The following DNAH9 variants were observed in gnomAD, a reference collection of about 807,000 sequenced individuals.
DNAH9 encodes dynein axonemal heavy chain 9, also known as DNAH9 variant protein.
A neutral mutation model predicts 471.6 loss-of-function variants in DNAH9; 345 were observed. The observed-to-expected ratio is 0.73, with a 90% CI of 0.67 to 0.80. The LOEUF (loss-of-function observed/expected upper bound fraction) is 0.80. DNAH9 is among the 30% of genes least tolerant of loss of function. The pLI, the probability that DNAH9 is intolerant of heterozygous loss-of-function variation, is 0.00. For missense variants in DNAH9, 5,407 were observed against 5,609.2 expected, an observed-to-expected ratio of 0.96 and a Z score of 1.15; for synonymous variants, 2,093 against 2,123.6, an observed-to-expected ratio of 0.99 and a Z score of 0.40.
In DNAH9 at chr17:11,624,767, T is replaced by C. The variant is rs1249854683; in HGVS notation, c.1351-4650T>C. ...CTTCCTTCTTTCTTTCCTCCCACTT[T>C]CCTGGTTTGAGGATCCCAAACTGGT... On this transcript the variant is annotated intron_variant, in intron 6 of 68. Coordinates refer to ENST00000262442, the MANE Select transcript of DNAH9 (RefSeq NM_001372.4). Among the ~76,000 whole-genome samples, 8 of 152,224 alleles carry C rather than the reference T, an allele frequency of 5.3e-5. 1 individual carries two copies. The South Asian group carries it at 1.2e-3, about 24-fold the overall frequency.
intron 67 of DNAH9, among the ~76,000 whole-genome samples, chr17:11,950,710 C>T (rs939541402): frequency 6.6e-6 from 1 of 152,098 alleles, no homozygotes; most frequent in South Asian, 2.1e-4. Context: ...TATAACAAAA[C>T]TTACAGAAAC....
chr17:11,741,972 A>C lies in DNAH9; in HGVS notation c.5973-203A>C, dbSNP rs78259463. On this transcript the variant is annotated intron_variant, in intron 29 of 68. Transcript: ENST00000262442. ...TTTATCCTTAGCTAACTCATCTCTA[A>C]GTTGAAAGTCTTCATGCTAACTGCA... 7.6e-3 allele frequency among the ~76,000 whole-genome samples: 1,158 copies of C among 152,316 alleles called. 27 individuals carry two copies. The highest frequency in any genetic ancestry group is 0.045 in the East Asian group (234 of 5,186).
rs746943615 is a variant in DNAH9 at position 11,923,872 on chromosome 17, A to G, written c.11808A>G (p.Gln3936=). ...NQNFHNVSLG[Q]GQEVVAEAAL... is the part of the protein sequence containing the mutation. ...ACTTTCACAACGTGTCTTTGGGGCA[A>G]GGACAGGAAGTGGTGGCTGAGGCTG... Residue 3936 remains glutamine (Q), a synonymous_variant, in exon 62 of 69, where the codon CAA becomes CAG. Coordinates refer to ENST00000262442, the MANE Select transcript of DNAH9 (RefSeq NM_001372.4). 1.9e-6 allele frequency: 3 copies of G among 1,614,120 alleles called. No homozygotes were observed. The South Asian group carries it at 3.3e-5, about 18-fold the overall frequency.
intron 41 of DNAH9, among the ~76,000 whole-genome samples, chr17:11,791,030 T>C (rs2150906015): frequency 6.6e-6 from 1 of 152,310 alleles, no homozygotes; most frequent in Admixed American, 6.5e-5. Context: ...ACCCATATGT[T>C]ACCTTTTCCA....
chr17:11,861,027 C>CT (rs56930700), intron 50 of DNAH9, among the ~76,000 whole-genome samples: 2,160 of 143,898 alleles, frequency 0.015, 47 homozygotes, highest in African/African-American at 0.044. Context: ...AGCTGTCATT[C>CT]TTTTTTTTTT....
chr17:11,646,934 G>A (rs2073404721), intron 11 of DNAH9, 138 bp from the exon 12 acceptor site: 1 of 683,870 alleles, frequency 1.5e-6, no homozygotes, highest in Non-Finnish European at 2.3e-6. Flanking sequence ...AAAGAAATTT[G>A]TGGTTACTCT....
intron 50 of DNAH9, among the ~76,000 whole-genome samples, chr17:11,861,472 C>T (rs910538376): frequency 5.3e-5 from 8 of 152,046 alleles, no homozygotes. Context: ...GTGAATAGTG[C>T]CGCAATAAAA....
At chr17:11,638,509 A>G (rs1483197254) in intron 9 of DNAH9, among the ~76,000 whole-genome samples, 1 of 151,962 alleles carries the variant, frequency 6.6e-6, no homozygotes, top group African/African-American at 2.4e-5. Context: ...CTCAGCTTCC[A>G]GAGTAGCTGG....
At chr17:11,701,443 C>A (rs1258508842) in intron 24 of DNAH9, among the ~76,000 whole-genome samples, 196 bp downstream of exon 24, 2 of 152,176 alleles carry the variant, frequency 1.3e-5, no homozygotes, top group African/African-American at 2.4e-5. Context: ...TCAACCCTGA[C>A]CTTGGGAAAT....
At chr17:11,727,503 G>T (rs1040156886) in intron 27 of DNAH9, among the ~76,000 whole-genome samples, 1 of 152,090 alleles carries the variant, frequency 6.6e-6, no homozygotes, top group African/African-American at 2.4e-5. Flanking sequence ...TGTCTGTATA[G>T]CATAAGAAAA....
chr17:11,688,082 C>CAAA (rs145792851), intron 19 of DNAH9, among the ~76,000 whole-genome samples: 4,383 of 58,868 alleles, frequency 0.074, 544 homozygotes, highest in African/African-American at 0.15. Flanking sequence ...TGCAGTAAGC[C>CAAA]AAAAAAAAAA....
chr17:11,957,612 C>T (rs916113891), intron 67 of DNAH9, among the ~76,000 whole-genome samples: 4 of 111,300 alleles, frequency 3.6e-5, no homozygotes, highest in East Asian at 2.3e-4. Context: ...CCAGTGGATG[C>T]AGACAAAACA....
chr17:11,827,308 A>T (rs1337049706), intron 48 of DNAH9, among the ~76,000 whole-genome samples: 1 of 152,234 alleles, frequency 6.6e-6, no homozygotes, highest in Non-Finnish European at 1.5e-5. Flanking sequence ...ATTGGCTCAC[A>T]GTTCTGCTGG....
intron 63 of DNAH9, among the ~76,000 whole-genome samples, 166 bp downstream of exon 63, chr17:11,930,259 C>T (rs1030700873): frequency 2.6e-5 from 4 of 152,258 alleles, no homozygotes; most frequent in Non-Finnish European, 5.9e-5. Context: ...CTCAGGGCAA[C>T]CCCACTCTCC....
Position 11,669,249 on chromosome 17 carries a change from C to T in DNAH9, c.2917C>T (p.Pro973Ser). The change falls in exon 16 of 69, where the codon CCT becomes TCT. Residue 973 changes from proline to serine, a missense_variant. By Grantham distance (74) the Pro-to-Ser change is moderately conservative (BLOSUM62 -1). Transcript: ENST00000262442. ...ACGGCTTTCCCCACAAAATGGCTCT[C>T]CTCACTATCAGGTACTGGAGCTGCA... Reference protein sequence around the residue: ...VPRLSPQNGSPHYQVDLDGIP... With the variant: ...VPRLSPQNGSSHYQVDLDGIP... 1 of 1,613,346 alleles carries T rather than the reference C, an allele frequency of 6.2e-7. No homozygotes were observed. Among genetic ancestry groups the T allele is most frequent in the Non-Finnish European group, 8.5e-7 (1 of 1,179,554 alleles).
At chr17:11,798,484 G>T (rs1183966392) in intron 43 of DNAH9, among the ~76,000 whole-genome samples, 1 of 148,320 alleles carries the variant, frequency 6.7e-6, no homozygotes, top group Admixed American at 6.7e-5. Context: ...AGAGATAGAG[G>T]GTTTGTATTC....
intron 66 of DNAH9, among the ~76,000 whole-genome samples, chr17:11,939,962 A>G (rs2151044225): frequency 6.6e-6 from 1 of 152,260 alleles, no homozygotes; most frequent in African/African-American, 2.4e-5. Flanking sequence ...ATAGAGGAAT[A>G]GAGTTATGTA....
At chr17:11,922,189 A>C (rs1974158726) in intron 61 of DNAH9, among the ~76,000 whole-genome samples, 1 of 152,226 alleles carries the variant, frequency 6.6e-6, no homozygotes, top group South Asian at 2.1e-4. Flanking sequence ...ATGACAGTCT[A>C]TACATTGTTT....
intron 59 of DNAH9, among the ~76,000 whole-genome samples, chr17:11,900,925 A>G (rs1597804821): frequency 1.3e-5 from 2 of 152,324 alleles, no homozygotes; most frequent in Admixed American, 1.3e-4. Flanking sequence ...ACTCTAAAGA[A>G]ATAGAACAGA....
Sources: allele counts gnomAD v4.1 joint callset (sites outside exome capture counted in the v4.1 genomes callset), GRCh38; gene constraint gnomAD v4.1.1; transcripts MANE v1.5; gene names NCBI Gene and HGNC (gene_info 2026-07-23, HGNC 2026-07-21).